Variants in TMEM178A observed in about 807,000 individuals in gnomAD.
TMEM178A encodes transmembrane protein 178A.
TMEM178A carries 12 observed loss-of-function variants against 29.1 expected under a neutral mutation model. The observed-to-expected ratio is 0.41, with a 90% CI of 0.26 to 0.67. The LOEUF is 0.67. Among genes scored for constraint, TMEM178A ranks in the 30% least tolerant of loss-of-function variants. The pLI, the probability that TMEM178A is intolerant of heterozygous loss-of-function variation, is 0.29. For missense variants in TMEM178A, 366 were observed against 419.1 expected (o/e 0.87, Z 1.11); for synonymous variants, 210 against 187.2 (o/e 1.12, Z -0.99).
chr2:39,693,283 A>G (rs931397826), intron 1 of TMEM178A, among the ~76,000 whole-genome samples: 4 of 152,228 alleles, frequency 2.6e-5, no homozygotes, highest in Non-Finnish European at 4.4e-5. Flanking sequence ...CCCATGTACT[A>G]TTAAGACAAC....
At position 39,717,824 on chromosome 2, in the gene TMEM178A, C is replaced by T. The variant is rs746759858; in HGVS notation, c.*573C>T. 3.9e-4 allele frequency: 60 copies of T among 152,300 alleles called. No homozygotes were observed. Among genetic ancestry groups the T allele is most frequent in the Middle Eastern group, 6.8e-3 (2 of 292 alleles). The allele number at this position is 152,300 out of a possible 1,614,324, so 9.4% of individuals were successfully genotyped here. A position where few individuals can be genotyped will look rare whatever the true frequency, so the allele number is the denominator to read the frequency against. ...CTCTTCTCTGTCTTTGTACTGGAAT[C>T]GAAATCATAAGATAAACAGATCAAA... On this transcript the variant is annotated 3_prime_UTR_variant, in exon 4 of 4. Coordinates refer to ENST00000281961, the MANE Select transcript of TMEM178A (RefSeq NM_152390.3).
At chr2:39,704,293 T>A (rs899705339) in intron 2 of TMEM178A, 99 bp downstream of exon 2, 12 of 1,004,254 alleles carry the variant, frequency 1.2e-5, no homozygotes, top group Non-Finnish European at 1.7e-5. Context: ...GTTGTTCTTA[T>A]CCTCTGTGAG....
chr2:39,692,424 C>T (rs1167872389), intron 1 of TMEM178A, among the ~76,000 whole-genome samples: 2 of 152,080 alleles, frequency 1.3e-5, no homozygotes, highest in Admixed American at 6.5e-5. Flanking sequence ...ATTAAATCAT[C>T]AAGTTTTGTA....
At chr2:39,681,300 C>T (rs187693859) in intron 1 of TMEM178A, among the ~76,000 whole-genome samples, 2 of 152,194 alleles carry the variant, frequency 1.3e-5, no homozygotes, top group African/African-American at 4.8e-5. Flanking sequence ...TGTGTCATCT[C>T]CATCAGGGTC....
At chr2:39,735,737 A>G in the TMEM178A span, among the ~76,000 whole-genome samples, 4 of 152,214 alleles carry the variant, frequency 2.6e-5, no homozygotes, top group African/African-American at 9.6e-5. Context: ...AGAATTTCCT[A>G]GGAAGGCCAG....
At chr2:39,676,760 G>C (rs1263032645) in intron 1 of TMEM178A, among the ~76,000 whole-genome samples, 3 of 152,198 alleles carry the variant, frequency 2.0e-5, no homozygotes, top group Non-Finnish European at 4.4e-5. Context: ...GTGTGTTCAG[G>C]CGGCAGTCCC....
chr2:39,671,522 G>A (rs1346997788), intron 1 of TMEM178A, among the ~76,000 whole-genome samples: 1 of 152,146 alleles, frequency 6.6e-6, no homozygotes, highest in Non-Finnish European at 1.5e-5. Context: ...CTCAGTTTTG[G>A]GGGTTCTGGG....
rs115123041 is a variant in TMEM178A, at chr2:39,711,739, C to T, written c.652+4553C>T. Among the ~76,000 whole-genome samples, 669 of 152,220 alleles carry T rather than the reference C, an allele frequency of 4.4e-3. 5 individuals carry two copies. Among genetic ancestry groups the T allele is most frequent in the African/African-American group, 0.015 (643 of 41,534 alleles). On this transcript the variant is annotated intron_variant, in intron 3 of 3. Coordinates refer to ENST00000281961, the MANE Select transcript of TMEM178A (RefSeq NM_152390.3). ...GACATGAAACTACAGGTCCATGATACTTTTTCTATAACCTTGGGGGCCAGG... is the reference window on the plus strand; with the variant it reads ...GACATGAAACTACAGGTCCATGATATTTTTTCTATAACCTTGGGGGCCAGG...
Position 39,666,008 on chromosome 2 carries a change from C to T in TMEM178A, c.34C>T (p.Leu12Phe). The T allele has an allele frequency of 6.6e-7, 1 of 1,506,064 alleles. No homozygotes were observed. Among genetic ancestry groups the T allele is most frequent in the Non-Finnish European group, 8.8e-7 (1 of 1,130,678 alleles). The allele number at this position is 1,506,064 out of a possible 1,614,324, so 93.3% of individuals were successfully genotyped here. A position where few individuals can be genotyped will look rare whatever the true frequency, so the allele number is the denominator to read the frequency against. The change falls in exon 1 of 4, where the codon CTC (leucine) becomes TTC (phenylalanine). Residue 12 changes from leucine to phenylalanine, a missense_variant. By Grantham distance (22) the Leu-to-Phe change is conservative. Transcript: ENST00000281961. Reference sequence around the variant, plus strand: ...GCGGGCGCTCGTCACGGCGCTCAGCCTCGGCCTCAGCCTGTGCTCCCTGGG... The same window carrying T: ...GCGGGCGCTCGTCACGGCGCTCAGCTTCGGCCTCAGCCTGTGCTCCCTGGG... ...EPRALVTALS[L>F]GLSLCSLGLL... is the part of the protein sequence containing the mutation.
intron 3 of TMEM178A, among the ~76,000 whole-genome samples, chr2:39,714,519 G>C (rs1051713797): frequency 4.6e-5 from 7 of 152,196 alleles, no homozygotes; most frequent in African/African-American, 1.7e-4. Context: ...GTGGGCTACA[G>C]ATTTAGCTTT....
chr2:39,708,156 G>T (rs774732089), intron 3 of TMEM178A, among the ~76,000 whole-genome samples: 4 of 152,162 alleles, frequency 2.6e-5, no homozygotes, highest in Non-Finnish European at 5.9e-5. Context: ...CTGAGGTGGC[G>T]ATTTCGCAGC....
chr2:39,719,151 G>T (rs1334554066), downstream of TMEM178A, among the ~76,000 whole-genome samples: 2 of 152,130 alleles, frequency 1.3e-5, no homozygotes, highest in Non-Finnish European at 2.9e-5. Flanking sequence ...TTAATATACT[G>T]GTCCCTCTGG....
downstream of TMEM178A, among the ~76,000 whole-genome samples, chr2:39,722,437 A>G (rs993895814): frequency 1.3e-5 from 2 of 152,212 alleles, no homozygotes; most frequent in Admixed American, 1.3e-4. Context: ...GAAAATATCA[A>G]TGGCCCAAAT....
At chr2:39,676,666 C>T (rs1304684074) in intron 1 of TMEM178A, among the ~76,000 whole-genome samples, 1 of 152,200 alleles carries the variant, frequency 6.6e-6, no homozygotes, top group African/African-American at 2.4e-5. Context: ...ACTTGGCTGG[C>T]TGACACCTGA....
At chr2:39,690,271 G>A (rs1362569230) in intron 1 of TMEM178A, among the ~76,000 whole-genome samples, 1 of 152,196 alleles carries the variant, frequency 6.6e-6, no homozygotes. Context: ...TCCCTCAACT[G>A]GCTGTCATGT....
At chr2:39,701,714 A>AT (rs1671790568) in intron 1 of TMEM178A, among the ~76,000 whole-genome samples, 1 of 152,006 alleles carries the variant, frequency 6.6e-6, no homozygotes, top group Non-Finnish European at 1.5e-5. Context: ...GGCCCTGACC[A>AT]TTTTTTAAAT....
At chr2:39,673,672 A>C (rs1572647509) in intron 1 of TMEM178A, among the ~76,000 whole-genome samples, 2 of 152,308 alleles carry the variant, frequency 1.3e-5, no homozygotes, top group Middle Eastern at 6.8e-3. Context: ...GCAAACCCAC[A>C]CCATGCTTCC....
intron 3 of TMEM178A, among the ~76,000 whole-genome samples, chr2:39,713,808 T>C (rs1672418979): frequency 2.0e-5 from 3 of 152,242 alleles, no homozygotes; most frequent in South Asian, 2.1e-4. Flanking sequence ...ACTCTCAACA[T>C]TGACCTAAAA....
At chr2:39,730,448 C>G in the TMEM178A span, among the ~76,000 whole-genome samples, 1 of 152,108 alleles carries the variant, frequency 6.6e-6, no homozygotes, top group Non-Finnish European at 1.5e-5. Context: ...GTCAAGTTTC[C>G]CACGTGCAGG....
Sources: gnomAD v4.1 joint callset for allele counts (sites outside exome capture counted in the v4.1 genomes callset) on GRCh38, gnomAD v4.1.1 for gene constraint, MANE v1.5 for transcripts, NCBI Gene and HGNC (gene_info 2026-07-23, HGNC 2026-07-21) for gene names.